The following WDR33 variants were observed in gnomAD, a reference collection of about 807,000 sequenced individuals.
WDR33 encodes the protein WD repeat domain 33, also known as pre-mRNA 3' end processing protein WDR33.
A neutral mutation model predicts 164.9 loss-of-function variants in WDR33; 47 were observed. That is an observed-to-expected ratio of 0.29 (90% CI 0.23 to 0.36). The LOEUF (loss-of-function observed/expected upper bound fraction) is 0.36. Among genes scored for constraint, WDR33 ranks in the 10% least tolerant of loss-of-function variants. The probability of loss-of-function intolerance (pLI) is 1.00; values close to 1 mark genes in which losing one functional copy is unlikely to be tolerated. For synonymous variants in WDR33, 505 were observed against 589.0 expected, an observed-to-expected ratio of 0.86 and a Z score of 2.06; for missense variants, 1,137 against 1,754.1, an observed-to-expected ratio of 0.65 and a Z score of 6.28.
intron 1 of WDR33, among the ~76,000 whole-genome samples, chr2:127,779,710 T>A (rs1176653922): frequency 2.6e-5 from 4 of 152,166 alleles, no homozygotes; most frequent in Admixed American, 2.6e-4. Context: ...CCACTGCATA[T>A]CCATAGCCAA....
intron 2 of WDR33, 119 bp from the exon 3 acceptor site, chr2:127,769,120 G>T: frequency 1.9e-6 from 1 of 520,384 alleles, no homozygotes; most frequent in Non-Finnish European, 2.7e-6. Context: ...TGGATAAACA[G>T]AATTAAAAAA....
intron 1 of WDR33, among the ~76,000 whole-genome samples, chr2:127,779,169 TAA>T (rs70985476): frequency 2.7e-5 from 4 of 146,338 alleles, no homozygotes; most frequent in African/African-American, 7.5e-5. Context: ...TTTTAATAAT[TAA>T]AAAAAAAAAA....
intron 7 of WDR33, among the ~76,000 whole-genome samples, chr2:127,746,563 C>T (rs2105408971): frequency 6.6e-6 from 1 of 152,328 alleles, no homozygotes; most frequent in Middle Eastern, 3.4e-3. Flanking sequence ...AGGTAGGTAT[C>T]ATTAGCTCTC....
rs767861227 is a variant in WDR33, at chr2:127,717,831, T to C, written c.2761-568A>G. ...TATCCCAGAAACTCAGGCATGTCCT[T>C]GTGACTCTGACATGTTTATAAATAT... On this transcript the variant is annotated intron_variant, in intron 16 of 21. Coordinates refer to ENST00000322313, the MANE Select transcript of WDR33 (RefSeq NM_018383.5). This position sits in a 1 kb window ranked among gnomAD's most constrained non-coding sequence, Gnocchi z 5.6. Among the ~76,000 whole-genome samples, 5 of 152,200 alleles carry C rather than the reference T, an allele frequency of 3.3e-5. No individual in the cohort carries two copies. The highest frequency in any genetic ancestry group is 5.9e-5 in the Non-Finnish European group (4 of 68,030).
chr2:127,745,802 C>T (rs1024020667), intron 7 of WDR33, among the ~76,000 whole-genome samples: 4 of 152,070 alleles, frequency 2.6e-5, no homozygotes, highest in Middle Eastern at 3.4e-3. Flanking sequence ...ATGAATTTAC[C>T]TAACTAGAAC....
intron 7 of WDR33, among the ~76,000 whole-genome samples, chr2:127,746,887 C>T (rs1273366228): frequency 2.0e-5 from 3 of 152,160 alleles, no homozygotes; most frequent in Non-Finnish European, 4.4e-5. Context: ...AGAAAAAATA[C>T]TTATTACAAA....
rs1491108798 is a variant in WDR33 at position 127,711,781 on chromosome 2, T to TATATATATATATATATATA, written c.3308+1801_3308+1802insTATATATATATATATATAT. 3.6e-4 allele frequency among the ~76,000 whole-genome samples: 34 copies of TATATATATATATATATATA among 93,948 alleles called. 1 individual carries two copies. The highest frequency in any genetic ancestry group is 6.9e-4 in the African/African-American group (12 of 17,304). The allele number at this position is 93,948 out of a possible 152,430, so 61.6% of individuals were successfully genotyped here. A position where few individuals can be genotyped will look rare whatever the true frequency, so the allele number is the denominator to read the frequency against. The stretch of plus-strand genomic sequence containing the variant: ...ATATATATATATATATATATATATA[T>TATATATATATATATATATA]TTTTTTTTTGAGACAGAGTCTCGCC... On this transcript the variant is annotated intron_variant, in intron 18 of 21. Coordinates refer to ENST00000322313, the MANE Select transcript of WDR33 (RefSeq NM_018383.5).
intron 1 of WDR33, among the ~76,000 whole-genome samples, chr2:127,794,614 C>CT (rs1168454949): frequency 7.9e-5 from 12 of 151,962 alleles, no homozygotes; most frequent in African/African-American, 2.9e-4. Flanking sequence ...GGGCAGATCA[C>CT]TTGAGATCAG....
At position 127,723,243 on chromosome 2, in the gene WDR33, A is replaced by G. The variant is rs779116539; in HGVS notation, c.1291+10T>C. The G allele has an allele frequency of 1.9e-6, 3 of 1,609,744 alleles. No individual in the cohort carries two copies. The highest frequency in any genetic ancestry group is 1.1e-5 in the South Asian group (1 of 90,520). On this transcript the variant is annotated intron_variant, in intron 12 of 21. Transcript: ENST00000322313. The surrounding 1 kb of genome is among the most constrained non-coding windows in gnomAD (Gnocchi z 5.9). ...GATTTCAAAGAAGGACAGATGTGCA[A>G]GAGTCTCACCATATTCTACTCCATC...
intron 7 of WDR33, among the ~76,000 whole-genome samples, chr2:127,727,935 C>A (rs1026466583): frequency 6.6e-6 from 1 of 152,156 alleles, no homozygotes; most frequent in African/African-American, 2.4e-5. Flanking sequence ...GTGATTTGTA[C>A]CCGTTCATAA....
chr2:127,752,912 A>T (rs1171986242), intron 7 of WDR33, among the ~76,000 whole-genome samples: 10 of 151,938 alleles, frequency 6.6e-5, no homozygotes. Context: ...TCCACTTATA[A>T]GACTTTATTT....
intron 1 of WDR33, among the ~76,000 whole-genome samples, chr2:127,802,201 A>C (rs564097865): frequency 1.3e-5 from 2 of 152,132 alleles, no homozygotes; most frequent in South Asian, 4.1e-4. Context: ...AAATTTTGCT[A>C]TGCATTTATC....
intron 1 of WDR33, among the ~76,000 whole-genome samples, chr2:127,803,546 T>A (rs141555507): frequency 0.014 from 2,161 of 152,162 alleles, 25 homozygotes; most frequent in Middle Eastern, 0.085. Context: ...CCAGCCTAGG[T>A]GACAGAGGGA....
chr2:127,709,621 C>A lies in WDR33; in HGVS notation c.3473-39G>T, dbSNP rs768902919. The A allele has an allele frequency of 1.1e-5, 18 of 1,612,300 alleles. No homozygotes were observed. Among genetic ancestry groups the A allele is most frequent in the Non-Finnish European group, 1.5e-5 (18 of 1,178,494 alleles). ...CAAACAATGCTGCACTCAGACTGTT[C>A]CTGGTGTATTCACAACCAGTGTATT... On this transcript the variant is annotated intron_variant, in intron 19 of 21. Coordinates refer to ENST00000322313, the MANE Select transcript of WDR33 (RefSeq NM_018383.5). The surrounding 1 kb of genome is among the most constrained non-coding windows in gnomAD (Gnocchi z 5.0).
At position 127,701,348 on chromosome 2, in the gene WDR33, G is replaced by A. The variant is rs1573867440; in HGVS notation, c.*4975C>T. On this transcript the variant is annotated 3_prime_UTR_variant, in exon 22 of 22. Coordinates refer to ENST00000322313, the MANE Select transcript of WDR33 (RefSeq NM_018383.5). Reference sequence around the variant, plus strand: ...CTGCAAGCGGACAGGCAGCACCTGCGACCACGGTACTTGGGGACACCACAA... The same window carrying A: ...CTGCAAGCGGACAGGCAGCACCTGCAACCACGGTACTTGGGGACACCACAA... The A allele has an allele frequency of 2.0e-5, 10 of 490,148 alleles. No homozygotes were observed. The highest frequency in any genetic ancestry group is 4.6e-5 in the Admixed American group (1 of 21,860). 30.4% of individuals were successfully genotyped at this position (490,148 alleles called of 1,614,324 possible). A position where few individuals can be genotyped will look rare whatever the true frequency, so the allele number is the denominator to read the frequency against.
rs748753352 is a variant in WDR33 at position 127,705,186 on chromosome 2, A to G, written c.*1137T>C. 2.4e-5 allele frequency: 4 copies of G among 167,162 alleles called. No individual in the cohort carries two copies. Among genetic ancestry groups the G allele is most frequent in the Non-Finnish European group, 5.9e-5 (4 of 68,130 alleles). The allele number at this position is 167,162 out of a possible 1,614,324, so 10.4% of individuals were successfully genotyped here. On this transcript the variant is annotated 3_prime_UTR_variant, in exon 22 of 22. Transcript: ENST00000322313. This position sits in a 1 kb window ranked among gnomAD's most constrained non-coding sequence, Gnocchi z 4.5. ...TGAAATGTTAAGGTGGCCATAGGAC[A>G]GTCCTTTTAATAAAAGCTTCCATGT...
Position 127,712,622 on chromosome 2 carries a change from A to T in WDR33, c.3308+961T>A, listed in dbSNP as rs1686209250. On this transcript the variant is annotated intron_variant, in intron 18 of 21. Transcript: ENST00000322313. This position sits in a 1 kb window ranked among gnomAD's most constrained non-coding sequence, Gnocchi z 4.0. ...TCTCACAAATTCTTTAAATAAAATG[A>T]GTTAATTTCCTAAATTAAAACAAAT... Among the ~76,000 whole-genome samples, 2 of 152,238 alleles carry T rather than the reference A, an allele frequency of 1.3e-5. No homozygotes were observed. The highest frequency in any genetic ancestry group is 1.3e-4 in the Admixed American group (2 of 15,290).
chr2:127,731,190 G>A (rs1686696090), intron 7 of WDR33, among the ~76,000 whole-genome samples: 1 of 150,958 alleles, frequency 6.6e-6, no homozygotes, highest in Non-Finnish European at 1.5e-5. Context: ...AGTTGCTCAG[G>A]AGGCAGAGGT....
chr2:127,788,790 CG>C (rs1558957832), intron 1 of WDR33, among the ~76,000 whole-genome samples: 2 of 136,186 alleles, frequency 1.5e-5, no homozygotes, highest in South Asian at 2.6e-4. Flanking sequence ...GCTGGCCGGG[CG>C]GGGGGTTGAC....
Sources: gnomAD v4.1 joint callset for allele counts (sites outside exome capture counted in the v4.1 genomes callset) on GRCh38, gnomAD v4.1.1 for gene constraint, Gnocchi (gnomAD v3.1) non-coding constraint, MANE v1.5 for transcripts, NCBI Gene and HGNC (gene_info 2026-07-23, HGNC 2026-07-21) for gene names.